The following DPH6 variants were observed in gnomAD, a reference collection of about 807,000 sequenced individuals.
DPH6 encodes the protein diphthine--ammonia ligase.
A neutral mutation model predicts 38.2 loss-of-function variants in DPH6; 33 were observed. The observed-to-expected ratio is 0.86, with a 90% CI of 0.65 to 1.15. DPH6 has a LOEUF of 1.15. Among genes scored for constraint, DPH6 ranks in the 50% most tolerant of loss-of-function variants. The probability of loss-of-function intolerance (pLI) is 0.00; values close to 1 mark genes in which losing one functional copy is unlikely to be tolerated. For synonymous variants in DPH6, 108 were observed against 103.0 expected, an observed-to-expected ratio of 1.05 and a Z score of -0.30; for missense variants, 325 against 320.0, an observed-to-expected ratio of 1.02 and a Z score of -0.12.
At chr15:35,473,913 A>AGTGTGTGTGTGTGTGT (rs58549209) in intron 3 of DPH6, among the ~76,000 whole-genome samples, 11 of 126,888 alleles carry the variant, frequency 8.7e-5, no homozygotes, top group African/African-American at 2.4e-4. Flanking sequence ...CACTGTGCAC[A>AGTGTGTGTGTGTGTGT]GTGTGTGTGT....
chr15:35,323,135 G>C (rs912294400), intron 3 of DPH6, among the ~76,000 whole-genome samples: 1 of 152,128 alleles, frequency 6.6e-6, no homozygotes, highest in Non-Finnish European at 1.5e-5. Context: ...ATCTTATATA[G>C]TGGAGACATA....
chr15:35,434,118 T>C (rs1424593743), intron 5 of DPH6, among the ~76,000 whole-genome samples: 3 of 152,240 alleles, frequency 2.0e-5, no homozygotes, highest in Middle Eastern at 3.4e-3. Flanking sequence ...AAACAGCAGA[T>C]ACATTTCTGA....
chr15:35,331,915 G>C (rs1361929631), intron 3 of DPH6, among the ~76,000 whole-genome samples: 1 of 152,160 alleles, frequency 6.6e-6, no homozygotes, highest in African/African-American at 2.4e-5. Flanking sequence ...AGAAAGCTCT[G>C]AGGCAGAAGA....
chr15:35,165,423 GAGA>G, the DPH6 span, among the ~76,000 whole-genome samples: 2 of 151,968 alleles, frequency 1.3e-5, no homozygotes, highest in South Asian at 2.1e-4. Context: ...ATTTGCTGAA[GAGA>G]AGGTTTGGTG....
At chr15:35,424,317 G>T (rs139767688) in intron 5 of DPH6, among the ~76,000 whole-genome samples, 1 of 151,240 alleles carries the variant, frequency 6.6e-6, no homozygotes, top group African/African-American at 2.4e-5. Context: ...TCTTCTTGTC[G>T]CTATTGTGAA....
At chr15:35,251,633 C>G (rs1256277143) in intron 3 of DPH6, among the ~76,000 whole-genome samples, 1 of 152,210 alleles carries the variant, frequency 6.6e-6, no homozygotes. Flanking sequence ...CACAGATACG[C>G]TAGTCTCTCA....
intron 5 of DPH6, among the ~76,000 whole-genome samples, chr15:35,446,430 A>G (rs533285122): frequency 1.1e-3 from 162 of 151,938 alleles, no homozygotes; most frequent in African/African-American, 3.7e-3. Flanking sequence ...AGGTCTCCCT[A>G]TGTTGCCCAG....
intron 1 of DPH6, among the ~76,000 whole-genome samples, chr15:35,545,728 A>G (rs2055337896): frequency 1.3e-5 from 2 of 152,166 alleles, no homozygotes; most frequent in South Asian, 4.1e-4. Flanking sequence ...TTGATGGAAT[A>G]AGGTAGTGGC....
downstream of DPH6, among the ~76,000 whole-genome samples, chr15:35,370,414 T>G (rs1457734209): frequency 6.6e-6 from 1 of 151,718 alleles, no homozygotes; most frequent in Non-Finnish European, 1.5e-5. Flanking sequence ...AAACATAGAA[T>G]GGTAGAACAT....
chr15:35,442,872 T>G (rs1452934773), intron 5 of DPH6, among the ~76,000 whole-genome samples: 1 of 152,040 alleles, frequency 6.6e-6, no homozygotes. Flanking sequence ...CTGGGAGCAG[T>G]GGGGCAGGGG....
Position 35,381,951 on chromosome 15 carries a change from G to A in DPH6, c.568-35C>T, listed in dbSNP as rs376543379. 5.9e-6 allele frequency: 9 copies of A among 1,520,536 alleles called. No individual in the cohort carries two copies. In the African/African-American group the frequency reaches 1.1e-4, roughly 19 times the overall value. 94.2% of individuals were successfully genotyped at this position (1,520,536 alleles called of 1,614,324 possible). A position where few individuals can be genotyped will look rare whatever the true frequency, so the allele number is the denominator to read the frequency against. On this transcript the variant is annotated intron_variant, in intron 6 of 8. Coordinates refer to ENST00000256538, the MANE Select transcript of DPH6 (RefSeq NM_080650.4). ...GGAAAACACAAAAAACAAGAAAGAA[G>A]TTTAAAATTAGACAGCATAAATGCT...
intron 3 of DPH6, among the ~76,000 whole-genome samples, chr15:35,507,224 A>G (rs6495776): frequency 0.11 from 17,354 of 152,072 alleles, 1,496 homozygotes; most frequent in African/African-American, 0.25. Context: ...AAACTGAAAA[A>G]AGAAAACACA....
At chr15:35,429,776 CAG>C (rs1249386334) in intron 5 of DPH6, among the ~76,000 whole-genome samples, 1 of 151,974 alleles carries the variant, frequency 6.6e-6, no homozygotes, top group Non-Finnish European at 1.5e-5. Context: ...AAATATCAAA[CAG>C]AATTCAATAT....
chr15:35,520,366 A>G, intron 3 of DPH6: 1 of 983,890 alleles, frequency 1.0e-6, no homozygotes, highest in Non-Finnish European at 1.2e-6. Context: ...GTGCTATTAT[A>G]CAACAGTATC....
At chr15:35,456,831 C>G (rs1336610997) in intron 3 of DPH6, among the ~76,000 whole-genome samples, 1 of 152,050 alleles carries the variant, frequency 6.6e-6, no homozygotes, top group East Asian at 1.9e-4. Context: ...TATCCATTTG[C>G]CATTCACTAG....
At chr15:35,338,720 G>A (rs1045839580) in intron 3 of DPH6, among the ~76,000 whole-genome samples, 2 of 152,180 alleles carry the variant, frequency 1.3e-5, no homozygotes, top group Non-Finnish European at 2.9e-5. Context: ...CTGCCATAAA[G>A]ACACATGCAC....
At chr15:35,484,111 T>C (rs557878857) in intron 3 of DPH6, among the ~76,000 whole-genome samples, 86 of 152,290 alleles carry the variant, frequency 5.6e-4, no homozygotes, top group South Asian at 1.0e-3. Context: ...AATTATTGAA[T>C]TGTACACTTA....
At chr15:35,451,273 T>G (rs569085501) in intron 4 of DPH6, among the ~76,000 whole-genome samples, 3 of 151,940 alleles carry the variant, frequency 2.0e-5, no homozygotes, top group Non-Finnish European at 4.4e-5. Context: ...AAAAAGAAAA[T>G]AGTAAGAAAA....
At position 35,454,759 on chromosome 15, in the gene DPH6, C is replaced by A. The variant is rs1450889968; in HGVS notation, c.374G>T (p.Arg125Leu). 1.2e-6 allele frequency: 2 copies of A among 1,608,652 alleles called. No individual in the cohort carries two copies. The highest frequency in any genetic ancestry group is 1.7e-6 in the Non-Finnish European group (2 of 1,177,820). ...AATGTTTTCTTACACATTTTCCACT[C>A]GAATACGCTGATAGTCAGAAAGTAT... ...GAILSDYQRI[R>L]VENVCKRLNL... The change falls in exon 4 of 9, where the codon CGA becomes CTA. Residue 125 changes from arginine (R) to leucine (L), a missense_variant. By Grantham distance (102) the Arg-to-Leu change is moderately radical. Coordinates refer to ENST00000256538, the MANE Select transcript of DPH6 (RefSeq NM_080650.4).
Sources: gnomAD v4.1 joint callset for allele counts (sites outside exome capture counted in the v4.1 genomes callset) on GRCh38, gnomAD v4.1.1 for gene constraint, MANE v1.5 for transcripts, NCBI Gene and HGNC (gene_info 2026-07-23, HGNC 2026-07-21) for gene names.